Variants in LMCD1 observed in about 807,000 individuals in gnomAD.
The protein encoded by LMCD1 is LIM and cysteine-rich domains protein 1.
A neutral mutation model predicts 42.7 loss-of-function variants in LMCD1; 32 were observed. The ratio of observed to expected loss-of-function variants is 0.75; its 90% CI spans 0.57 to 1.01. The LOEUF (loss-of-function observed/expected upper bound fraction) is 1.01. Ranked by LOEUF, LMCD1 falls within the 50% of genes least tolerant of loss-of-function variation. The pLI, the probability that LMCD1 is intolerant of heterozygous loss-of-function variation, is 0.00. For missense variants in LMCD1, 458 were observed against 483.1 expected (o/e 0.95, Z 0.49); for synonymous variants, 178 against 184.9 (o/e 0.96, Z 0.30).
intron 4 of LMCD1, among the ~76,000 whole-genome samples, chr3:8,559,169 G>GA (rs1392618331): frequency 6.6e-6 from 1 of 152,126 alleles, no homozygotes; most frequent in Non-Finnish European, 1.5e-5. Flanking sequence ...ACTGATAGGG[G>GA]AAAAAATAGA....
intron 3 of LMCD1, among the ~76,000 whole-genome samples, chr3:8,547,741 A>C (rs1694764417): frequency 6.5e-5 from 1 of 15,328 alleles, no homozygotes; most frequent in East Asian, 0.012. Context: ...AAATACAAAA[A>C]AATTAGCAGT....
At chr3:8,513,008 T>C (rs752393617) in intron 1 of LMCD1, among the ~76,000 whole-genome samples, 4 of 152,208 alleles carry the variant, frequency 2.6e-5, no homozygotes, top group Non-Finnish European at 5.9e-5. Context: ...GGGCAGCTAG[T>C]TGCTGTCAGA....
intron 4 of LMCD1, among the ~76,000 whole-genome samples, chr3:8,553,904 C>T (rs1032062163): frequency 6.6e-6 from 1 of 152,170 alleles, no homozygotes; most frequent in Non-Finnish European, 1.5e-5. Flanking sequence ...CAATACAATT[C>T]AAAAATATTT....
At chr3:8,561,744 ACT>A (rs969070172) in intron 4 of LMCD1, among the ~76,000 whole-genome samples, 5 of 152,198 alleles carry the variant, frequency 3.3e-5, no homozygotes, top group Admixed American at 2.0e-4. Context: ...TAGAAAAATA[ACT>A]CTAGAAGGAG....
chr3:8,530,931 CA>C (rs1694399968), intron 1 of LMCD1, among the ~76,000 whole-genome samples: 1 of 152,230 alleles, frequency 6.6e-6, no homozygotes, highest in Non-Finnish European at 1.5e-5. Context: ...CCACACTCCA[CA>C]TATGTGCAAC....
At chr3:8,503,433 G>A (rs1693807644) in intron 1 of LMCD1, among the ~76,000 whole-genome samples, 1 of 152,206 alleles carries the variant, frequency 6.6e-6, no homozygotes, top group Admixed American at 6.5e-5. Flanking sequence ...GCTATTTGCA[G>A]AATCAAGTCA....
intron 4 of LMCD1, among the ~76,000 whole-genome samples, chr3:8,564,421 C>T (rs1171296037): frequency 6.6e-6 from 1 of 152,090 alleles, no homozygotes; most frequent in African/African-American, 2.4e-5. Context: ...CAGATGAGCA[C>T]CATCACAACT....
intron 4 of LMCD1, among the ~76,000 whole-genome samples, chr3:8,561,881 T>C (rs1340434141): frequency 3.3e-5 from 5 of 152,066 alleles, no homozygotes; most frequent in African/African-American, 1.2e-4. Flanking sequence ...CATCGGGGCT[T>C]ACAGGAGCAG....
intron 1 of LMCD1, among the ~76,000 whole-genome samples, chr3:8,516,057 C>G (rs1694091873): frequency 1.3e-5 from 2 of 152,200 alleles, no homozygotes; most frequent in South Asian, 4.2e-4. Flanking sequence ...TCTCCTTCTT[C>G]AAGCTTGTCT....
chr3:8,524,815 G>C (rs555899952), intron 1 of LMCD1, among the ~76,000 whole-genome samples: 2 of 152,114 alleles, frequency 1.3e-5, no homozygotes, highest in African/African-American at 4.8e-5. Flanking sequence ...CTCCTGAGTA[G>C]CTGGGACCAC....
chr3:8,532,181 A>G (rs1694424425), intron 1 of LMCD1, among the ~76,000 whole-genome samples: 2 of 152,186 alleles, frequency 1.3e-5, no homozygotes, highest in Admixed American at 1.3e-4. Flanking sequence ...TGTCTCATGC[A>G]TTGTTCTCCT....
intron 1 of LMCD1, among the ~76,000 whole-genome samples, chr3:8,508,183 C>G (rs1693920267): frequency 6.6e-6 from 1 of 152,116 alleles, no homozygotes; most frequent in African/African-American, 2.4e-5. Context: ...AAAAATAATT[C>G]TAGAGACCTT....
intron 1 of LMCD1, among the ~76,000 whole-genome samples, chr3:8,511,968 A>G (rs1200125878): frequency 6.6e-6 from 1 of 152,180 alleles, no homozygotes; most frequent in Non-Finnish European, 1.5e-5. Flanking sequence ...TGACAGCAGG[A>G]AAAAAAGGTA....
intron 3 of LMCD1, among the ~76,000 whole-genome samples, chr3:8,538,070 G>A (rs1694545295): frequency 6.6e-6 from 1 of 152,144 alleles, no homozygotes; most frequent in African/African-American, 2.4e-5. Flanking sequence ...CCTGCAGAAG[G>A]TCTCCATACC....
chr3:8,548,341 A>G (rs1574968733), intron 3 of LMCD1, among the ~76,000 whole-genome samples: 1 of 150,940 alleles, frequency 6.6e-6, no homozygotes, highest in East Asian at 1.9e-4. Context: ...TTTTTCTCTC[A>G]TGTGTGTTTT....
At chr3:8,531,352 TAAG>T (rs1390850560) in intron 1 of LMCD1, among the ~76,000 whole-genome samples, 5 of 152,342 alleles carry the variant, frequency 3.3e-5, no homozygotes, top group South Asian at 4.1e-4. Flanking sequence ...TCACCTCCTC[TAAG>T]AAGAAGTAGT....
chr3:8,558,744 C>T (rs1347088402), intron 4 of LMCD1, among the ~76,000 whole-genome samples: 1 of 152,186 alleles, frequency 6.6e-6, no homozygotes, highest in East Asian at 1.9e-4. Context: ...GTTTAAACAT[C>T]CCAGGAATTC....
At chr3:8,546,322 A>AT (rs755303218) in intron 3 of LMCD1, among the ~76,000 whole-genome samples, 1 of 152,144 alleles carries the variant, frequency 6.6e-6, no homozygotes, top group Non-Finnish European at 1.5e-5. Context: ...ATGTTTATGA[A>AT]TTTTTTACAA....
intron 4 of LMCD1, among the ~76,000 whole-genome samples, chr3:8,558,133 TG>T (rs1383519972): frequency 1.4e-4 from 22 of 152,320 alleles, no homozygotes; most frequent in Middle Eastern, 3.4e-3. Context: ...ACTTCATCCA[TG>T]TTCTGTTCTA....
Sources: allele counts gnomAD v4.1 joint callset (sites outside exome capture counted in the v4.1 genomes callset), GRCh38; gene constraint gnomAD v4.1.1; transcripts MANE v1.5; gene names NCBI Gene and HGNC (gene_info 2026-07-23, HGNC 2026-07-21).